PPFIA2: variants seen among roughly 807,000 people sequenced by gnomAD.
PPFIA2 encodes the protein liprin-alpha-2.
Under a neutral mutation model 175.5 loss-of-function variants are expected in PPFIA2, and 46 were observed. That is an observed-to-expected ratio of 0.26 (90% CI 0.21 to 0.34). The LOEUF (loss-of-function observed/expected upper bound fraction) is 0.34. Ranked by LOEUF, PPFIA2 falls within the 10% of genes least tolerant of loss-of-function variation. PPFIA2 has a pLI of 1.00. For synonymous variants in PPFIA2, 568 were observed against 511.4 expected, an observed-to-expected ratio of 1.11 and a Z score of -1.49; for missense variants, 1,179 against 1,506.1, an observed-to-expected ratio of 0.78 and a Z score of 3.60.
At chr12:81,344,904 G>C (rs955437369) in intron 18 of PPFIA2, 7 of 457,988 alleles carry the variant, frequency 1.5e-5, no homozygotes, top group Non-Finnish European at 2.4e-5. Flanking sequence ...ACATAAGTCA[G>C]ATGATTGTTT....
chr12:81,338,216 C>G (rs916993065), intron 21 of PPFIA2, among the ~76,000 whole-genome samples: 1 of 152,002 alleles, frequency 6.6e-6, no homozygotes. Flanking sequence ...TTTGAGAAAC[C>G]AAAGGATGTA....
At chr12:81,282,699 T>C (rs1593786170) in intron 26 of PPFIA2, 1 of 195,524 alleles carries the variant, frequency 5.1e-6, no homozygotes, top group South Asian at 1.7e-4. Context: ...CCAACTTGAA[T>C]GCTTCCTGAT....
intron 3 of PPFIA2, among the ~76,000 whole-genome samples, chr12:81,686,207 G>T (rs1364251833): frequency 1.3e-5 from 2 of 152,048 alleles, no homozygotes; most frequent in Non-Finnish European, 2.9e-5. Flanking sequence ...TAATTCTGAG[G>T]TGGCTGATAT....
At chr12:81,548,027 G>C (rs998428192) in intron 4 of PPFIA2, among the ~76,000 whole-genome samples, 6 of 152,120 alleles carry the variant, frequency 3.9e-5, no homozygotes, top group African/African-American at 1.4e-4. Flanking sequence ...CAAGTGCTTT[G>C]TATATTGCAT....
chr12:81,609,963 G>C (rs2060721625), intron 4 of PPFIA2, among the ~76,000 whole-genome samples: 1 of 152,136 alleles, frequency 6.6e-6, no homozygotes, highest in Non-Finnish European at 1.5e-5. Context: ...TGTAAAACTA[G>C]TCTAGTTGAA....
chr12:81,652,358 C>T (rs1354408110), intron 4 of PPFIA2, among the ~76,000 whole-genome samples: 9 of 151,314 alleles, frequency 5.9e-5, no homozygotes, highest in Non-Finnish European at 5.9e-5. Flanking sequence ...CGATTTGCTT[C>T]AGAATTTCAT....
intron 4 of PPFIA2, among the ~76,000 whole-genome samples, chr12:81,584,826 A>G (rs2074953900): frequency 7.7e-6 from 1 of 129,052 alleles, no homozygotes; most frequent in Admixed American, 9.7e-5. Flanking sequence ...CAATAAATTT[A>G]TTATATTTAC....
At chr12:81,616,238 T>C (rs965596739) in intron 4 of PPFIA2, among the ~76,000 whole-genome samples, 4 of 152,130 alleles carry the variant, frequency 2.6e-5, no homozygotes, top group Non-Finnish European at 4.4e-5. Context: ...GTGAGCAAGA[T>C]TGAAAAATTG....
intron 6 of PPFIA2, among the ~76,000 whole-genome samples, chr12:81,442,119 A>G (rs2050285635): frequency 6.6e-6 from 1 of 152,066 alleles, no homozygotes; most frequent in Non-Finnish European, 1.5e-5. Flanking sequence ...GTTTTTAAGG[A>G]GTAAAAGTTA....
intron 19 of PPFIA2, among the ~76,000 whole-genome samples, chr12:81,342,674 C>T (rs1245938687): frequency 6.6e-6 from 1 of 152,026 alleles, no homozygotes; most frequent in African/African-American, 2.4e-5. Context: ...CCCAGCTAAA[C>T]TCTTAAGCGT....
chr12:81,474,423 C>T (rs1014014310), intron 4 of PPFIA2, among the ~76,000 whole-genome samples: 12 of 152,164 alleles, frequency 7.9e-5, no homozygotes, highest in Non-Finnish European at 1.5e-4. Context: ...TCCCAAACTG[C>T]TGGGATTACA....
chr12:81,581,779 C>T (rs1441483574), intron 4 of PPFIA2, among the ~76,000 whole-genome samples: 2 of 151,750 alleles, frequency 1.3e-5, no homozygotes, highest in Non-Finnish European at 2.9e-5. Flanking sequence ...TTTTGGTTTT[C>T]TTTCAGTGTT....
chr12:81,337,416 A>T (rs1438022343), intron 21 of PPFIA2, among the ~76,000 whole-genome samples: 1 of 152,152 alleles, frequency 6.6e-6, no homozygotes, highest in Non-Finnish European at 1.5e-5. Context: ...GTTGATGAGA[A>T]TATAATAGTA....
At position 81,295,018 on chromosome 12, in the gene PPFIA2, A is replaced by C. The variant is rs1376853569; in HGVS notation, c.2742T>G (p.Pro914=). 1 of 1,613,536 alleles carries C rather than the reference A, an allele frequency of 6.2e-7. No homozygotes were observed. The highest frequency in any genetic ancestry group is 8.5e-7 in the Non-Finnish European group (1 of 1,179,664). ...VAWLELWLGM[P]AWYVAACRAN... The stretch of plus-strand genomic sequence containing the variant: ...CTCGGCAGGCTGCCACGTACCACGC[A>C]GGCATTCCCAACCAAAGCTGTTAGA... The change falls in exon 24 of 33, where the codon CCT becomes CCG. Residue 914 remains proline, a synonymous_variant. Coordinates refer to ENST00000549396, the MANE Select transcript of PPFIA2 (RefSeq NM_003625.5).
At chr12:81,684,704 A>C (rs1464151876) in intron 3 of PPFIA2, among the ~76,000 whole-genome samples, 1 of 152,096 alleles carries the variant, frequency 6.6e-6, no homozygotes, top group Non-Finnish European at 1.5e-5. Flanking sequence ...TGAATGCTTG[A>C]AAGAAGCTTT....
intron 10 of PPFIA2, 143 bp downstream of exon 10, chr12:81,375,653 G>C (rs1015434161): frequency 3.7e-6 from 3 of 805,470 alleles, no homozygotes; most frequent in Non-Finnish European, 6.0e-6. Context: ...ACTGAAAATC[G>C]TATTTGTTTT....
chr12:81,454,201 G>C (rs2053179261), intron 5 of PPFIA2, among the ~76,000 whole-genome samples: 1 of 152,094 alleles, frequency 6.6e-6, no homozygotes, highest in South Asian at 2.1e-4. Flanking sequence ...GCCTGAGCAA[G>C]AGTGAGACCT....
intron 24 of PPFIA2, among the ~76,000 whole-genome samples, chr12:81,294,398 AAAGG>A (rs1302772089): frequency 4.0e-5 from 6 of 148,774 alleles, no homozygotes; most frequent in African/African-American, 5.0e-5. Flanking sequence ...AGGGAAAGAG[AAAGG>A]AAGGAAGGAA....
intron 20 of PPFIA2, 26 bp from the exon 21 acceptor site, chr12:81,339,360 C>A: frequency 6.5e-7 from 1 of 1,535,354 alleles, no homozygotes; most frequent in South Asian, 1.3e-5. Flanking sequence ...GAGGAAAATA[C>A]ATGCAACATC....
Sources: gnomAD v4.1 joint callset for allele counts (sites outside exome capture counted in the v4.1 genomes callset) on GRCh38, gnomAD v4.1.1 for gene constraint, MANE v1.5 for transcripts, NCBI Gene and HGNC (gene_info 2026-07-23, HGNC 2026-07-21) for gene names.